The following MAMDC2 variants were observed in gnomAD, a reference collection of about 807,000 sequenced individuals.
MAMDC2 encodes MAM domain-containing protein 2.
Under a neutral mutation model 89.8 loss-of-function variants are expected in MAMDC2, and 57 were observed. The ratio of observed to expected loss-of-function variants is 0.63; its 90% CI spans 0.51 to 0.79. The LOEUF (loss-of-function observed/expected upper bound fraction) is 0.79, where lower values mean the gene tolerates loss of function less well. Among genes scored for constraint, MAMDC2 ranks in the 30% least tolerant of loss-of-function variants. The pLI, the probability that MAMDC2 is intolerant of heterozygous loss-of-function variation, is 0.00. For synonymous variants in MAMDC2, 313 were observed against 293.4 expected (o/e 1.07, Z -0.68); for missense variants, 800 against 820.6 (o/e 0.97, Z 0.31).
intron 2 of MAMDC2, among the ~76,000 whole-genome samples, chr9:70,100,206 A>G (rs1429554456): frequency 2.6e-5 from 4 of 152,172 alleles, no homozygotes; most frequent in African/African-American, 9.7e-5. Context: ...ATTTAATCTT[A>G]AAAGACTACA....
Position 70,225,842 on chromosome 9 carries a change from T to G in MAMDC2, c.1996+8T>G. On this transcript the variant is annotated splice_region_variant and intron_variant, in intron 13 of 13. Transcript: ENST00000377182. ...AGGCAGGACCCTGTGGAGGTAATAT[T>G]TTTTCCCAATCATATAAGCTTGACT... 1 of 1,593,546 alleles carries G rather than the reference T, an allele frequency of 6.3e-7. No homozygotes were observed. Among genetic ancestry groups the G allele is most frequent in the South Asian group, 1.1e-5 (1 of 90,200 alleles).
chr9:70,186,840 G>A (rs1024624632), intron 11 of MAMDC2, among the ~76,000 whole-genome samples: 1 of 152,150 alleles, frequency 6.6e-6, no homozygotes, highest in Non-Finnish European at 1.5e-5. Flanking sequence ...GCAAGAGGGA[G>A]GCAGGAAGGA....
chr9:70,140,375 G>T, intron 8 of MAMDC2, 87 bp downstream of exon 8: 1 of 1,391,632 alleles, frequency 7.2e-7, no homozygotes. Context: ...CAAAGACATC[G>T]ACTTAAAGAA....
chr9:70,174,665 C>T (rs536758867), intron 11 of MAMDC2, among the ~76,000 whole-genome samples: 117 of 151,758 alleles, frequency 7.7e-4, no homozygotes, highest in African/African-American at 2.8e-3. Flanking sequence ...GGAAATGACC[C>T]AGAGAAATAA....
At chr9:70,130,681 T>C (rs534830864) in intron 6 of MAMDC2, among the ~76,000 whole-genome samples, 117 of 152,236 alleles carry the variant, frequency 7.7e-4, no homozygotes, top group African/African-American at 2.8e-3. Flanking sequence ...CTCTGACTGC[T>C]GCATCTTTGT....
intron 7 of MAMDC2, among the ~76,000 whole-genome samples, chr9:70,132,484 AATT>A (rs1240908091): frequency 4.0e-5 from 6 of 151,852 alleles, no homozygotes; most frequent in Non-Finnish European, 8.8e-5. Context: ...GTTGGTTTGT[AATT>A]TAATATGATT....
intron 2 of MAMDC2, among the ~76,000 whole-genome samples, chr9:70,053,291 G>A (rs967610827): frequency 1.1e-4 from 17 of 152,276 alleles, no homozygotes; most frequent in Admixed American, 6.5e-4. Flanking sequence ...CTGAGGCTAA[G>A]AATAAGATAA....
chr9:70,074,829 T>A (rs1827494972), intron 2 of MAMDC2, among the ~76,000 whole-genome samples: 1 of 152,240 alleles, frequency 6.6e-6, no homozygotes, highest in African/African-American at 2.4e-5. Context: ...ACCCTTTTCC[T>A]ACTTTTTCAG....
intron 11 of MAMDC2, among the ~76,000 whole-genome samples, chr9:70,180,271 C>G (rs12685491): frequency 0.069 from 10,486 of 152,168 alleles, 577 homozygotes; most frequent in East Asian, 0.22. Context: ...CACTGATGGG[C>G]ATTTTGGTTG....
At position 70,070,288 on chromosome 9, in the gene MAMDC2, G is replaced by C. The variant is rs191191188; in HGVS notation, c.148+25591G>C. On this transcript the variant is annotated intron_variant, in intron 2 of 13. Transcript: ENST00000377182. ...CATGTGGAAAGAGAAAGAGAAAAAG[G>C]CTAACTCCATGTGGCCTTATAGACT... 1.4e-3 allele frequency among the ~76,000 whole-genome samples: 220 copies of C among 152,278 alleles called. 1 individual carries two copies. Among genetic ancestry groups the C allele is most frequent in the Admixed American group, 2.3e-3 (35 of 15,290 alleles).
chr9:70,160,180 C>T (rs941880962), intron 9 of MAMDC2, among the ~76,000 whole-genome samples: 1 of 152,000 alleles, frequency 6.6e-6, no homozygotes, highest in South Asian at 2.1e-4. Context: ...CTACTGCACT[C>T]TAGCCTGGGC....
chr9:70,104,030 A>C (rs1408756118), intron 2 of MAMDC2, among the ~76,000 whole-genome samples: 3 of 152,174 alleles, frequency 2.0e-5, no homozygotes, highest in African/African-American at 7.2e-5. Context: ...AATGGGAAAA[A>C]GTATTTGCAA....
At chr9:70,157,938 A>G (rs2031822167) in intron 9 of MAMDC2, among the ~76,000 whole-genome samples, 2 of 152,182 alleles carry the variant, frequency 1.3e-5, no homozygotes, top group South Asian at 4.1e-4. Flanking sequence ...ATGCACAAAT[A>G]TACCCAACCT....
chr9:70,046,829 T>A (rs1826765035), intron 2 of MAMDC2, among the ~76,000 whole-genome samples: 1 of 152,214 alleles, frequency 6.6e-6, no homozygotes, highest in Non-Finnish European at 1.5e-5. Context: ...CTCTGAGCAC[T>A]CCAGGGTGGA....
intron 12 of MAMDC2, among the ~76,000 whole-genome samples, chr9:70,219,669 C>G (rs1483649898): frequency 6.6e-6 from 1 of 152,208 alleles, no homozygotes; most frequent in African/African-American, 2.4e-5. Flanking sequence ...GAGCCATTAT[C>G]TGGGAAAGGC....
At chr9:70,205,111 C>T (rs560576313) in intron 11 of MAMDC2, among the ~76,000 whole-genome samples, 1 of 152,332 alleles carries the variant, frequency 6.6e-6, no homozygotes, top group African/African-American at 2.4e-5. Flanking sequence ...TAGTTTCTGA[C>T]ATTGCCAGAT....
chr9:70,144,589 C>T (rs572327740), intron 9 of MAMDC2, among the ~76,000 whole-genome samples: 5 of 152,118 alleles, frequency 3.3e-5, no homozygotes, highest in African/African-American at 7.2e-5. Context: ...AGTATCCTGT[C>T]GTGTAAGAAA....
At chr9:70,185,389 C>G (rs1488886413) in intron 11 of MAMDC2, among the ~76,000 whole-genome samples, 4 of 152,134 alleles carry the variant, frequency 2.6e-5, no homozygotes, top group African/African-American at 9.7e-5. Context: ...GTAGTCTGTC[C>G]CTTAGCAGAG....
intron 2 of MAMDC2, chr9:70,089,171 A>G (rs972782862): frequency 3.9e-5 from 6 of 152,046 alleles, no homozygotes; most frequent in African/African-American, 1.2e-4. Flanking sequence ...CTACACTATT[A>G]CCCCAGGACT....
Sources: allele counts gnomAD v4.1 joint callset (sites outside exome capture counted in the v4.1 genomes callset), GRCh38; gene constraint gnomAD v4.1.1; transcripts MANE v1.5; gene names NCBI Gene and HGNC (gene_info 2026-07-23, HGNC 2026-07-21).